Variants in WDR49 observed in about 807,000 individuals in gnomAD.
WDR49 encodes the protein cilia- and flagella-associated protein 337.
Under a neutral mutation model 119.5 loss-of-function variants are expected in WDR49, and 107 were observed. The observed-to-expected ratio is 0.90, with a 90% CI of 0.77 to 1.05. WDR49 has a LOEUF of 1.05. Among genes scored for constraint, WDR49 ranks in the 50% least tolerant of loss-of-function variants. WDR49 has a pLI of 0.00. For synonymous variants in WDR49, 425 were observed against 418.8 expected (o/e 1.01, Z -0.18); for missense variants, 1,240 against 1,220.5 (o/e 1.02, Z -0.24).
At chr3:167,604,177 G>T in intron 6 of WDR49, 124 bp downstream of exon 6, 1 of 1,104,074 alleles carries the variant, frequency 9.1e-7, no homozygotes, top group Non-Finnish European at 1.3e-6. Context: ...GCAGTAAAAT[G>T]TGAGCTTCTC....
intron 8 of WDR49, among the ~76,000 whole-genome samples, chr3:167,564,696 G>T (rs1487071316): frequency 6.6e-6 from 1 of 152,200 alleles, no homozygotes; most frequent in Non-Finnish European, 1.5e-5. Flanking sequence ...TTGTTCTGAT[G>T]AGAACAGTCT....
intron 18 of WDR49, among the ~76,000 whole-genome samples, chr3:167,496,382 T>C (rs1455150707): frequency 6.6e-6 from 1 of 152,076 alleles, no homozygotes; most frequent in Non-Finnish European, 1.5e-5. Flanking sequence ...GAACTACATG[T>C]AGCTTTCTTA....
At position 167,653,496 on chromosome 3, in the gene WDR49, G is replaced by A; in HGVS notation, c.-71C>T. 2.1e-6 allele frequency: 3 copies of A among 1,401,566 alleles called. No homozygotes were observed. Among genetic ancestry groups the A allele is most frequent in the South Asian group, 1.6e-5 (1 of 60,984 alleles). 86.8% of individuals were successfully genotyped at this position (1,401,566 alleles called of 1,614,324 possible). On this transcript the variant is annotated 5_prime_UTR_variant, in exon 2 of 19. Coordinates refer to ENST00000682715, the MANE Select transcript of WDR49 (RefSeq NM_001366157.1). ...ATGGATCTTCTTTTTCCTTCAACAG[G>A]TGCCTTTGAAAAGAAACTCAACTTA... is the stretch of plus-strand genomic sequence containing the variant.
intron 5 of WDR49, among the ~76,000 whole-genome samples, chr3:167,620,027 T>C (rs1577281989): frequency 1.3e-5 from 2 of 152,076 alleles, no homozygotes; most frequent in East Asian, 1.9e-4. Context: ...CAAACTAATA[T>C]GCTTCCCATG....
chr3:167,509,148 A>G (rs1468249893), intron 16 of WDR49, among the ~76,000 whole-genome samples: 2 of 152,214 alleles, frequency 1.3e-5, no homozygotes, highest in African/African-American at 4.8e-5. Flanking sequence ...AATCCCTTCC[A>G]GATAAGCAAT....
Position 167,522,399 on chromosome 3 carries a change from G to T in WDR49, c.2690C>A (p.Ser897Tyr), listed in dbSNP as rs1353172675. The change falls in exon 16 of 19, where the codon TCT becomes TAT. Residue 897 changes from serine (S) to tyrosine (Y), a missense_variant. Coordinates refer to ENST00000682715, the MANE Select transcript of WDR49 (RefSeq NM_001366157.1). ...ACAAGATTCCTCCTTAGAAAATAAAGAAATTTCCTTTTGAATCTCACTTTC... is the reference window on the plus strand; with the variant it reads ...ACAAGATTCCTCCTTAGAAAATAAATAAATTTCCTTTTGAATCTCACTTTC... ...LVESEIQKEI[S>Y]LFSKEESCLD... 7 of 1,610,222 alleles carry T rather than the reference G, an allele frequency of 4.3e-6. No homozygotes were observed. Among genetic ancestry groups the T allele is most frequent in the Non-Finnish European group, 5.9e-6 (7 of 1,178,684 alleles).
At chr3:167,544,908 T>A (rs940400267) in intron 10 of WDR49, among the ~76,000 whole-genome samples, 2 of 151,548 alleles carry the variant, frequency 1.3e-5, no homozygotes, top group Non-Finnish European at 2.9e-5. Flanking sequence ...AAACAGACAA[T>A]CCATAGAGTG....
At position 167,627,238 on chromosome 3, in the gene WDR49, T is replaced by A. The variant is rs938371435; in HGVS notation, c.220A>T (p.Met74Leu). 2 of 1,250,898 alleles carry A rather than the reference T, an allele frequency of 1.6e-6. No individual in the cohort carries two copies. The highest frequency in any genetic ancestry group is 1.0e-6 in the Non-Finnish European group (1 of 997,630). The allele number at this position is 1,250,898 out of a possible 1,614,324, so 77.5% of individuals were successfully genotyped here. A position where few individuals can be genotyped will look rare whatever the true frequency, so the allele number is the denominator to read the frequency against. ...GTGCCCCAACCAACAATCTCTGTCA[T>A]CTTCTGCGTGAAGTCTTCTCTGGAC... ...CMSREDFTQK[M>L]TEIVGWGTKE... Residue 74 changes from methionine (M) to leucine (L), a missense_variant, in exon 3 of 19, where the codon ATG (methionine) becomes TTG (leucine). Met to Leu is a conservative substitution (Grantham distance 15). Transcript: ENST00000682715.
intron 18 of WDR49, among the ~76,000 whole-genome samples, chr3:167,495,174 G>A (rs936339068): frequency 3.0e-4 from 45 of 152,080 alleles, no homozygotes; most frequent in African/African-American, 1.0e-3. Context: ...TATATTAGAA[G>A]CAGACCCAGG....
chr3:167,583,518 G>T (rs533136880), intron 7 of WDR49, among the ~76,000 whole-genome samples: 13 of 152,086 alleles, frequency 8.5e-5, no homozygotes, highest in African/African-American at 3.1e-4. Flanking sequence ...AACATACAAA[G>T]ACCCTGTCTC....
chr3:167,548,837 C>T (rs200413785), intron 10 of WDR49, among the ~76,000 whole-genome samples: 1 of 152,006 alleles, frequency 6.6e-6, no homozygotes, highest in Non-Finnish European at 1.5e-5. Context: ...TGCTATCCCT[C>T]CCCTCTCCCT....
chr3:167,585,391 CGTGTGTGTGTGTGT>C (rs59424091), intron 7 of WDR49, among the ~76,000 whole-genome samples: 337 of 137,490 alleles, frequency 2.5e-3, no homozygotes, highest in African/African-American at 8.0e-3. Context: ...TAAAAGGGTG[CGTGTGTGTGTGTGT>C]GTGTGTGTGT....
rs746176969 is a variant in WDR49, at chr3:167,560,120, C to A, written c.1618G>T (p.Ala540Ser). 6.2e-7 allele frequency: 1 copy of A among 1,614,138 alleles called. No homozygotes were observed. Among genetic ancestry groups the A allele is most frequent in the Non-Finnish European group, 8.5e-7 (1 of 1,180,030 alleles). Residue 540 changes from alanine (A) to serine (S), a missense_variant, in exon 9 of 19, where the codon GCC becomes TCC. Ala to Ser is a moderately conservative substitution (Grantham distance 99). Coordinates refer to ENST00000682715, the MANE Select transcript of WDR49 (RefSeq NM_001366157.1). ...AGCCGAGTCTCATTTGCATCAAGGG[C>A]CATAGTGCTGATTTCTGCGTTGCCG... is the stretch of plus-strand genomic sequence containing the variant. ...CHGNAEISTM[A>S]LDANETRLLT...
At chr3:167,575,887 A>T in intron 8 of WDR49, 31 bp downstream of exon 8, 1 of 1,603,598 alleles carries the variant, frequency 6.2e-7, no homozygotes, top group Non-Finnish European at 8.5e-7. Context: ...GAGATATGTT[A>T]GGAGAGTGAA....
intron 8 of WDR49, among the ~76,000 whole-genome samples, chr3:167,567,767 G>T (rs930082603): frequency 6.6e-6 from 1 of 152,170 alleles, no homozygotes; most frequent in Admixed American, 6.5e-5. Context: ...GAAATCATAA[G>T]ATTCTGTGGG....
At position 167,632,786 on chromosome 3, in the gene WDR49, C is replaced by T. The variant is rs927773005; in HGVS notation, c.166-5494G>A. On this transcript the variant is annotated intron_variant, in intron 2 of 18. Transcript: ENST00000682715. ...ACTAGAATTAATTCATTCATCTCAT[C>T]CTACTATATATATCATACACTGTGG... Among the ~76,000 whole-genome samples, 12 of 151,968 alleles carry T rather than the reference C, an allele frequency of 7.9e-5. 1 individual carries two copies. Among genetic ancestry groups the T allele is most frequent in the African/African-American group, 2.4e-5 (1 of 41,406 alleles).
intron 2 of WDR49, among the ~76,000 whole-genome samples, chr3:167,646,244 TC>T: frequency 6.6e-6 from 1 of 152,152 alleles, no homozygotes; most frequent in East Asian, 1.9e-4. Flanking sequence ...AAGGAAGGAT[TC>T]CCCTGAAAGG....
At chr3:167,566,775 C>G in intron 8 of WDR49, 1 of 582,022 alleles carries the variant, frequency 1.7e-6, no homozygotes, top group Non-Finnish European at 3.1e-6. Context: ...ACAAAGTAAG[C>G]TAGAGAAAAG....
At chr3:167,656,713 C>T (rs983836358), upstream of WDR49, among the ~76,000 whole-genome samples, 1 of 152,148 alleles carries the variant, frequency 6.6e-6, no homozygotes, top group Non-Finnish European at 1.5e-5. Flanking sequence ...TGGCTCTAAC[C>T]TTCTCTGTAA....
Sources: gnomAD v4.1 joint callset for allele counts (sites outside exome capture counted in the v4.1 genomes callset) on GRCh38, gnomAD v4.1.1 for gene constraint, MANE v1.5 for transcripts, NCBI Gene and HGNC (gene_info 2026-07-23, HGNC 2026-07-21) for gene names.